The following DGKB variants were observed in gnomAD, a reference collection of about 807,000 sequenced individuals.
DGKB encodes the protein diacylglycerol kinase beta, also known as 90 kDa diacylglycerol kinase.
Under a neutral mutation model 114.3 loss-of-function variants are expected in DGKB, and 67 were observed. That is an observed-to-expected ratio of 0.59 (90% CI 0.48 to 0.72). The LOEUF is 0.72. DGKB is among the 30% of genes least tolerant of loss of function. The pLI is 0.00. For missense variants in DGKB, 907 were observed against 975.2 expected, an observed-to-expected ratio of 0.93 and a Z score of 0.93; for synonymous variants, 398 against 323.1, an observed-to-expected ratio of 1.23 and a Z score of -2.49.
chr7:14,306,808 A>G (rs577846035), intron 23 of DGKB, among the ~76,000 whole-genome samples: 2 of 152,314 alleles, frequency 1.3e-5, no homozygotes, highest in South Asian at 2.1e-4. Flanking sequence ...TCAGGGGCCA[A>G]TAATTAGCTA....
At chr7:14,923,675 A>C (rs1784614389) in intron 1 of DGKB, among the ~76,000 whole-genome samples, 2 of 152,052 alleles carry the variant, frequency 1.3e-5, no homozygotes, top group Admixed American at 1.3e-4. Context: ...GCAACCATCA[A>C]AATCTTTTTA....
chr7:14,304,680 T>G (rs1386921750), intron 23 of DGKB, among the ~76,000 whole-genome samples: 1 of 152,190 alleles, frequency 6.6e-6, no homozygotes, highest in Non-Finnish European at 1.5e-5. Context: ...TCATCTGATT[T>G]TCAATTTTTA....
chr7:14,257,979 C>T (rs1165412808), intron 23 of DGKB, among the ~76,000 whole-genome samples: 3 of 152,134 alleles, frequency 2.0e-5, no homozygotes, highest in Non-Finnish European at 2.9e-5. Context: ...CCACTTGCCT[C>T]GGCCTCCCAA....
In DGKB at chr7:14,782,159, G is replaced by T. The variant is rs1013004289; in HGVS notation, c.71-24428C>A. Among the ~76,000 whole-genome samples, 6 of 151,988 alleles carry T rather than the reference G, an allele frequency of 3.9e-5. No homozygotes were observed. In the South Asian group the frequency reaches 6.2e-4, roughly 16 times the overall value. The stretch of plus-strand genomic sequence containing the variant: ...CATGCCTCAGTCTCCTGACTAACTG[G>T]GACTATAGGCCTGTGCCACCAAACT... On this transcript the variant is annotated intron_variant, in intron 2 of 25. Coordinates refer to ENST00000402815, the MANE Select transcript of DGKB (RefSeq NM_001350709.2).
At chr7:14,956,954 C>T (rs1452688667) in intron 1 of DGKB, among the ~76,000 whole-genome samples, 1 of 151,872 alleles carries the variant, frequency 6.6e-6, no homozygotes, top group African/African-American at 2.4e-5. Context: ...TCCAACCCAA[C>T]CTTCACATAT....
At chr7:14,177,160 T>C (rs558468399) in intron 24 of DGKB, among the ~76,000 whole-genome samples, 4 of 151,910 alleles carry the variant, frequency 2.6e-5, no homozygotes, top group Non-Finnish European at 5.9e-5. Context: ...AATTTCAGGG[T>C]TTATGTTTAA....
intron 2 of DGKB, among the ~76,000 whole-genome samples, chr7:14,794,403 G>A (rs1841113563): frequency 6.6e-6 from 1 of 152,116 alleles, no homozygotes; most frequent in African/African-American, 2.4e-5. Context: ...CTTACAAGAA[G>A]TAAAGAGCTA....
intron 1 of DGKB, among the ~76,000 whole-genome samples, chr7:14,894,844 G>C (rs1011862855): frequency 6.6e-6 from 1 of 151,536 alleles, no homozygotes; most frequent in Non-Finnish European, 1.5e-5. Flanking sequence ...CAAAACAACA[G>C]TCCTCCCATA....
At chr7:14,409,830 C>A (rs921237012) in intron 21 of DGKB, among the ~76,000 whole-genome samples, 2 of 151,490 alleles carry the variant, frequency 1.3e-5, no homozygotes, top group African/African-American at 4.9e-5. Context: ...TATAAACAGA[C>A]AAGTACTGTA....
chr7:14,287,405 G>C (rs553611790), intron 23 of DGKB, among the ~76,000 whole-genome samples: 2 of 151,970 alleles, frequency 1.3e-5, no homozygotes, highest in South Asian at 4.1e-4. Flanking sequence ...CTTATATCTA[G>C]AATTTTTAAT....
chr7:14,253,470 C>T (rs1328466064), intron 23 of DGKB, among the ~76,000 whole-genome samples: 1 of 152,152 alleles, frequency 6.6e-6, no homozygotes, highest in Non-Finnish European at 1.5e-5. Context: ...GCTATTAGCA[C>T]TATATTGTCT....
At chr7:14,701,657 A>C in intron 7 of DGKB, 24 bp downstream of exon 7, 1 of 1,571,938 alleles carries the variant, frequency 6.4e-7, no homozygotes, top group Non-Finnish European at 8.8e-7. Context: ...AAGTTTTCAC[A>C]GAAACTTTGA....
intron 17 of DGKB, among the ~76,000 whole-genome samples, chr7:14,599,208 A>G (rs1803111666): frequency 6.6e-6 from 1 of 152,206 alleles, no homozygotes; most frequent in South Asian, 2.1e-4. Flanking sequence ...ATTAATAGCA[A>G]TACTTAAAAT....
rs1584399848 is a variant in DGKB at position 14,198,287 on chromosome 7, A to G, written c.2123-20136T>C. ...AGAAAAAATTTCATTAGGGAAATAT[A>G]CAGCAGTTGTCAAGGTATGGGAACA... On this transcript the variant is annotated intron_variant, in intron 23 of 25. Transcript: ENST00000402815. 3.9e-5 allele frequency among the ~76,000 whole-genome samples: 6 copies of G among 152,248 alleles called. No homozygotes were observed. The South Asian group carries it at 1.2e-3, about 32-fold the overall frequency.
At chr7:14,151,968 T>A (rs925974974) in intron 25 of DGKB, among the ~76,000 whole-genome samples, 1 of 151,970 alleles carries the variant, frequency 6.6e-6, no homozygotes, top group Non-Finnish European at 1.5e-5. Context: ...AAATTCCAGG[T>A]GTAGGCTCTA....
intron 2 of DGKB, among the ~76,000 whole-genome samples, chr7:14,776,881 C>A (rs1039989647): frequency 6.6e-6 from 1 of 152,162 alleles, no homozygotes; most frequent in African/African-American, 2.4e-5. Flanking sequence ...CAACAGCTTG[C>A]ATCATGTGCC....
At chr7:14,360,299 A>ACTG (rs1815451003) in intron 21 of DGKB, among the ~76,000 whole-genome samples, 1 of 152,052 alleles carries the variant, frequency 6.6e-6, no homozygotes, top group African/African-American at 2.4e-5. Context: ...AATATCACAC[A>ACTG]CTGGGGCCTG....
At chr7:14,727,446 T>A (rs772583646) in intron 5 of DGKB, among the ~76,000 whole-genome samples, 3 of 152,132 alleles carry the variant, frequency 2.0e-5, no homozygotes, top group Admixed American at 6.5e-5. Flanking sequence ...GATCATTACT[T>A]CTAATGACAA....
chr7:14,321,867 A>G (rs968571886), intron 23 of DGKB, among the ~76,000 whole-genome samples: 5 of 152,226 alleles, frequency 3.3e-5, no homozygotes, highest in African/African-American at 7.2e-5. Flanking sequence ...ATAAACCATT[A>G]TAAGAAACTA....
Sources: allele counts gnomAD v4.1 joint callset (sites outside exome capture counted in the v4.1 genomes callset), GRCh38; gene constraint gnomAD v4.1.1; transcripts MANE v1.5; gene names NCBI Gene and HGNC (gene_info 2026-07-23, HGNC 2026-07-21).